The following ATP6V0A1 variants were observed in gnomAD, a reference collection of about 807,000 sequenced individuals.
ATP6V0A1 encodes V-type proton ATPase 116 kDa subunit a 1.
ATP6V0A1 carries 43 observed loss-of-function variants against 105.4 expected under a neutral mutation model. The ratio of observed to expected loss-of-function variants is 0.41; its 90% confidence interval spans 0.32 to 0.53. The LOEUF (loss-of-function observed/expected upper bound fraction) is 0.53, where lower values mean the gene tolerates loss of function less well. ATP6V0A1 is among the 20% of genes least tolerant of loss of function. ATP6V0A1 has a pLI of 0.30. For synonymous variants in ATP6V0A1, 362 were observed against 372.8 expected, an observed-to-expected ratio of 0.97 and a Z score of 0.33; for missense variants, 676 against 1,051.1, an observed-to-expected ratio of 0.64 and a Z score of 4.93.
intron 17 of ATP6V0A1, among the ~76,000 whole-genome samples, chr17:42,506,089 C>T (rs2092007205): frequency 6.6e-6 from 1 of 152,132 alleles, no homozygotes; most frequent in African/African-American, 2.4e-5. Flanking sequence ...CGCCCAGCCC[C>T]TTATCCATAT....
intron 1 of ATP6V0A1, chr17:42,460,099 G>T (rs1221729079): frequency 6.6e-6 from 1 of 152,194 alleles, no homozygotes; most frequent in African/African-American, 2.4e-5. Flanking sequence ...ATGGAAGAAT[G>T]TAATTAATCT....
intron 21 of ATP6V0A1, among the ~76,000 whole-genome samples, chr17:42,517,469 C>T (rs1403724797): frequency 6.6e-6 from 1 of 152,074 alleles, no homozygotes; most frequent in South Asian, 2.1e-4. Flanking sequence ...CCATATATGT[C>T]GTATTTATTT....
chr17:42,487,463 C>T (rs2090208776), intron 10 of ATP6V0A1, 96 bp downstream of exon 10: 2 of 1,261,366 alleles, frequency 1.6e-6, no homozygotes, highest in African/African-American at 1.5e-5. Context: ...CGCGGTGGCT[C>T]ATGCCTGTAA....
At chr17:42,487,763 G>A (rs1458652220) in intron 10 of ATP6V0A1, among the ~76,000 whole-genome samples, 1 of 152,036 alleles carries the variant, frequency 6.6e-6, no homozygotes, top group South Asian at 2.1e-4. Context: ...TAAATAAATA[G>A]TAACATTAAT....
chr17:42,502,316 G>A (rs1378455084), intron 17 of ATP6V0A1, among the ~76,000 whole-genome samples: 1 of 152,196 alleles, frequency 6.6e-6, no homozygotes, highest in Non-Finnish European at 1.5e-5. Context: ...CGGTTTGCCT[G>A]GGCAACCACA....
intron 9 of ATP6V0A1, 35 bp from the exon 10 acceptor site, chr17:42,487,120 A>C (rs753824024): frequency 6.2e-7 from 1 of 1,607,448 alleles, no homozygotes; most frequent in South Asian, 1.1e-5. Context: ...ACTGGTGTTA[A>C]AAGGATCCCT....
intron 2 of ATP6V0A1, among the ~76,000 whole-genome samples, chr17:42,462,322 C>T (rs2086517777): frequency 6.6e-6 from 1 of 152,076 alleles, no homozygotes; most frequent in Non-Finnish European, 1.5e-5. Flanking sequence ...ACCTCTGTTT[C>T]TCTTTGCTCC....
chr17:42,494,785 G>T (rs11651671), intron 12 of ATP6V0A1: 2 of 472,726 alleles, frequency 4.2e-6, no homozygotes, highest in South Asian at 5.2e-5. Context: ...AAGTTATTGC[G>T]GTTTTGGCTG....
intron 8 of ATP6V0A1, 150 bp from the exon 9 acceptor site, chr17:42,482,886 ACT>A (rs1344869442): frequency 8.2e-6 from 3 of 364,130 alleles, no homozygotes; most frequent in Non-Finnish European, 1.4e-5. Flanking sequence ...ACAGAGTGAA[ACT>A]CTGTCTCAAA....
In ATP6V0A1 at chr17:42,487,659, C is replaced by T. The variant is rs531098190; in HGVS notation, c.1023+292C>T. 1.1e-4 allele frequency among the ~76,000 whole-genome samples: 16 copies of T among 151,944 alleles called. No homozygotes were observed. The South Asian group carries it at 2.7e-3, about 26-fold the overall frequency. On this transcript the variant is annotated intron_variant, in intron 10 of 21. Coordinates refer to ENST00000343619, the MANE Select transcript of ATP6V0A1 (RefSeq NM_001130021.3). ...AGAAGAATCAAGTGAACCTGGGAGG[C>T]GGAGCTTGCAGTGAGCTGAGATTGC...
At position 42,521,245 on chromosome 17, in the gene ATP6V0A1, A is replaced by G. The variant is rs1378995887; in HGVS notation, c.*125A>G. 4 of 814,552 alleles carry G rather than the reference A, an allele frequency of 4.9e-6. No individual in the cohort carries two copies. The highest frequency in any genetic ancestry group is 5.7e-5 in the East Asian group (2 of 35,390). 50.5% of individuals were successfully genotyped at this position (814,552 alleles called of 1,614,324 possible). Reference sequence around the variant, plus strand: ...GCTCATTCGTGTCACCCTGTCTGTGAGTCATTTAGATAGAATAGTCCTCCT... The same window carrying G: ...GCTCATTCGTGTCACCCTGTCTGTGGGTCATTTAGATAGAATAGTCCTCCT... On this transcript the variant is annotated 3_prime_UTR_variant, in exon 22 of 22. Coordinates refer to ENST00000343619, the MANE Select transcript of ATP6V0A1 (RefSeq NM_001130021.3). The surrounding 1 kb of genome is among the most constrained non-coding windows in gnomAD (Gnocchi z 4.8).
Position 42,461,224 on chromosome 17 carries a change from A to G in ATP6V0A1, c.117+213A>G, listed in dbSNP as rs554598688. Among the ~76,000 whole-genome samples, 18 of 152,336 alleles carry G rather than the reference A, an allele frequency of 1.2e-4. 1 individual carries two copies. The South Asian group carries it at 3.3e-3, about 28-fold the overall frequency. ...GCTTTTGCTAGCTCCCACTTTCAGAACAGTCCTAAGCATTCTCCAGGTAAT... is the reference window on the plus strand; with the variant it reads ...GCTTTTGCTAGCTCCCACTTTCAGAGCAGTCCTAAGCATTCTCCAGGTAAT... On this transcript the variant is annotated intron_variant, in intron 2 of 21. Coordinates refer to ENST00000343619, the MANE Select transcript of ATP6V0A1 (RefSeq NM_001130021.3).
At chr17:42,493,907 ATCTG>A (rs1183091685) in intron 11 of ATP6V0A1, among the ~76,000 whole-genome samples, 2 of 152,194 alleles carry the variant, frequency 1.3e-5, no homozygotes, top group Non-Finnish European at 2.9e-5. Flanking sequence ...TGAGAGTCCT[ATCTG>A]TCTGGCAGCT....
chr17:42,477,731 T>G lies in ATP6V0A1; in HGVS notation c.495T>G (p.Pro165=). The part of the protein sequence containing the change: ...LEPSEMGRGT[P]LRLGFVAGVI... ...CAAGTGAGATGGGAAGAGGCACTCC[T>G]TTAAGACTTGGGTAAGTGCCATGTC... The change falls in exon 6 of 22, where the codon CCT becomes CCG. Residue 165 remains proline (P), a synonymous_variant. Transcript: ENST00000343619. 1 of 1,613,516 alleles carries G rather than the reference T, an allele frequency of 6.2e-7. No homozygotes were observed. The highest frequency in any genetic ancestry group is 8.5e-7 in the Non-Finnish European group (1 of 1,179,564).
chr17:42,476,645 A>T (rs2088788645), intron 5 of ATP6V0A1, among the ~76,000 whole-genome samples: 1 of 152,018 alleles, frequency 6.6e-6, no homozygotes, highest in Non-Finnish European at 1.5e-5. Context: ...TGATGGGAGT[A>T]AAGGGTGGTA....
At chr17:42,508,661 T>C in intron 19 of ATP6V0A1, 72 bp downstream of exon 19, 1 of 1,595,312 alleles carries the variant, frequency 6.3e-7, no homozygotes, top group Non-Finnish European at 8.6e-7. Flanking sequence ...ATCACTCTGC[T>C]GACCCTGCCA....
chr17:42,508,562 T>C lies in ATP6V0A1; in HGVS notation c.2113-10T>C. ...TGGCTCCCCACTAAGTGTAAATTTG[T>C]GTTTTCAAGCCTTCCGAGGACGAAG... On this transcript the variant is annotated splice_polypyrimidine_tract_variant and intron_variant, in intron 18 of 21. Transcript: ENST00000343619. 6.2e-7 allele frequency: 1 copy of C among 1,614,032 alleles called. No homozygotes were observed. The highest frequency in any genetic ancestry group is 8.5e-7 in the Non-Finnish European group (1 of 1,179,898).
Position 42,521,077 on chromosome 17 carries a change from C to T in ATP6V0A1, c.2471C>T (p.Pro824Leu). ...FYSGTGFKFL[P>L]FSFEHIREGK... ...AGCGGGACCGGTTTCAAGTTCTTAC[C>T]CTTCTCCTTCGAGCATATTCGGGAA... Residue 824 changes from proline (P) to leucine (L), a missense_variant, in exon 22 of 22, where the codon CCC becomes CTC. By Grantham distance (98) the Pro-to-Leu change is moderately conservative. Around this residue, in one of 3 missense-constraint regions of ATP6V0A1, gnomAD observed 435 missense variants for 642.2 expected, o/e 0.68. Transcript: ENST00000343619. The surrounding 1 kb of genome is among the most constrained non-coding windows in gnomAD (Gnocchi z 4.8). 2 of 1,610,114 alleles carry T rather than the reference C, an allele frequency of 1.2e-6. No individual in the cohort carries two copies. Among genetic ancestry groups the T allele is most frequent in the Non-Finnish European group, 1.7e-6 (2 of 1,178,154 alleles).
Position 42,487,342 on chromosome 17 carries a change from T to A in ATP6V0A1, c.998T>A (p.Ile333Asn). 6.2e-7 allele frequency: 1 copy of A among 1,613,958 alleles called. No homozygotes were observed. Among genetic ancestry groups the A allele is most frequent in the Non-Finnish European group, 8.5e-7 (1 of 1,180,010 alleles). ...TGCCCTGTCACCGACCTTGACTCCATCCAGTTTGCACTCAGAAGGGGCACG... is the reference window on the plus strand; with the variant it reads ...TGCCCTGTCACCGACCTTGACTCCAACCAGTTTGCACTCAGAAGGGGCACG... The part of the protein sequence containing the change: ...VWCPVTDLDS[I>N]QFALRRGTEH... Residue 333 changes from isoleucine to asparagine, a missense_variant, in exon 10 of 22, where the codon ATC (isoleucine) becomes AAC (asparagine). Ile to Asn is a moderately radical substitution (Grantham distance 149). This residue lies in a region of ATP6V0A1 where 435 missense variants were observed against 642.2 expected (regional missense o/e 0.68). Coordinates refer to ENST00000343619, the MANE Select transcript of ATP6V0A1 (RefSeq NM_001130021.3).
Sources: allele counts gnomAD v4.1 joint callset (sites outside exome capture counted in the v4.1 genomes callset), GRCh38; gene constraint gnomAD v4.1.1; regional missense constraint gnomAD v4.1.1; non-coding constraint Gnocchi (gnomAD v3.1); transcripts MANE v1.5; gene names NCBI Gene and HGNC (gene_info 2026-07-23, HGNC 2026-07-21).